Variants in SYNE1 observed in about 807,000 individuals in gnomAD.
SYNE1 encodes spectrin repeat containing nuclear envelope protein 1.
A neutral mutation model predicts 1,111.0 loss-of-function variants in SYNE1; 616 were observed. The ratio of observed to expected loss-of-function variants is 0.55; its 90% CI spans 0.52 to 0.59. The LOEUF is 0.59. Ranked by LOEUF, SYNE1 falls within the 20% of genes least tolerant of loss-of-function variation. The pLI is 0.00. For synonymous variants in SYNE1, 3,855 were observed against 3,825.8 expected, an observed-to-expected ratio of 1.01 and a Z score of -0.28; for missense variants, 10,006 against 10,417.0, an observed-to-expected ratio of 0.96 and a Z score of 1.72.
chr6:152,281,947 GC>G lies in SYNE1; in HGVS notation c.18240del (p.Arg6080SerfsTer21). ...EKLNDQLEEQ[R>X]QEQALQRYRC... ...CGATACCTCTGCAGGGCCTGTTCCT[GC>G]CTTTGTTCCTCCAGCTGATCATTCA... is the stretch of plus-strand genomic sequence containing the variant. On this transcript the variant is annotated frameshift_variant, in exon 97 of 146. Coordinates refer to ENST00000367255, the MANE Select transcript of SYNE1 (RefSeq NM_182961.4). LOFTEE classifies it high-confidence loss of function. 1.2e-6 allele frequency: 2 copies of G among 1,614,100 alleles called. No individual in the cohort carries two copies. Among genetic ancestry groups the G allele is most frequent in the Non-Finnish European group, 1.7e-6 (2 of 1,180,036 alleles).
At chr6:152,620,235 C>T (rs751105680) in intron 3 of SYNE1, among the ~76,000 whole-genome samples, 6 of 152,216 alleles carry the variant, frequency 3.9e-5, no homozygotes, top group Admixed American at 2.0e-4. Context: ...CAGGCTGCAG[C>T]TTCTTAGTCT....
chr6:152,613,414 A>T (rs971596179), intron 3 of SYNE1, among the ~76,000 whole-genome samples: 1 of 152,190 alleles, frequency 6.6e-6, no homozygotes, highest in African/African-American at 2.4e-5. Flanking sequence ...TACAAAGAGA[A>T]TAAAATACCT....
intron 66 of SYNE1, among the ~76,000 whole-genome samples, chr6:152,356,844 C>T (rs544658603): frequency 2.0e-5 from 3 of 152,188 alleles, no homozygotes; most frequent in South Asian, 4.1e-4. Flanking sequence ...ACACGAATAC[C>T]GGCTTAAGTG....
intron 5 of SYNE1, among the ~76,000 whole-genome samples, chr6:152,524,099 G>A (rs2154352016): frequency 6.6e-6 from 1 of 152,224 alleles, no homozygotes; most frequent in African/African-American, 2.4e-5. Context: ...AAAAGAAGTG[G>A]CAAAAGTGAG....
chr6:152,491,682 C>G (rs1052031626), intron 11 of SYNE1, among the ~76,000 whole-genome samples: 21 of 152,188 alleles, frequency 1.4e-4, no homozygotes, highest in Non-Finnish European at 2.9e-5. Context: ...AGATGCCTGA[C>G]ATCCAGGCAT....
intron 3 of SYNE1, among the ~76,000 whole-genome samples, chr6:152,612,249 G>A (rs773342335): frequency 7.2e-5 from 11 of 151,884 alleles, no homozygotes; most frequent in Admixed American, 1.3e-4. Flanking sequence ...TAGACTGCTA[G>A]CAAGACTAAT....
rs531875789 is a variant in SYNE1, at chr6:152,547,931, C to T, written c.68-7910G>A. 2.6e-5 allele frequency among the ~76,000 whole-genome samples: 4 copies of T among 152,220 alleles called. No individual in the cohort carries two copies. The South Asian group carries it at 8.3e-4, about 32-fold the overall frequency. Reference sequence around the variant, plus strand: ...CTGTCATAATGGATGTGTTAATTGACTGTGGTAATCATTTCACAATTTATA... The same window carrying T: ...CTGTCATAATGGATGTGTTAATTGATTGTGGTAATCATTTCACAATTTATA... On this transcript the variant is annotated intron_variant, in intron 3 of 145. Transcript: ENST00000367255.
Position 152,318,263 on chromosome 6 carries a change from C to G in SYNE1, c.16390G>C (p.Val5464Leu). 6.2e-7 allele frequency: 1 copy of G among 1,614,120 alleles called. No individual in the cohort carries two copies. ...NVVQAKTDQKVLGEELDGCNS... is the reference protein window; with the variant it reads ...NVVQAKTDQKLLGEELDGCNS... ...CAGCCATCTAATTCCTCTCCCAGCACCTTGATGGTCACCAAAATGAAAGAA... is the reference window on the plus strand; with the variant it reads ...CAGCCATCTAATTCCTCTCCCAGCAGCTTGATGGTCACCAAAATGAAAGAA... Residue 5464 changes from valine (V) to leucine (L), a missense_variant and splice_region_variant, in exon 86 of 146, where the codon GTG (valine) becomes CTG (leucine). By Grantham distance (32) the Val-to-Leu change is conservative. Around this residue, in one of 7 missense-constraint regions of SYNE1, gnomAD observed 4,955 missense variants for 5,017.2 expected, o/e 0.99. Transcript: ENST00000367255.
intron 44 of SYNE1, among the ~76,000 whole-genome samples, chr6:152,407,848 G>A (rs1377676352): frequency 3.4e-5 from 5 of 146,584 alleles, no homozygotes; most frequent in African/African-American, 7.7e-5. Flanking sequence ...TGCAACCTCC[G>A]CCTCCCGGGT....
chr6:152,493,920 G>C (rs542531171), intron 11 of SYNE1, among the ~76,000 whole-genome samples: 1 of 152,028 alleles, frequency 6.6e-6, no homozygotes, highest in Non-Finnish European at 1.5e-5. Context: ...TTCCCCACTC[G>C]TCTTTCCGTT....
At chr6:152,268,373 G>GA (rs1157901930) in intron 99 of SYNE1, among the ~76,000 whole-genome samples, 1 of 119,962 alleles carries the variant, frequency 8.3e-6, no homozygotes, top group East Asian at 2.4e-4. Context: ...GGATACCTCT[G>GA]AAAAATCTGG....
intron 121 of SYNE1, among the ~76,000 whole-genome samples, chr6:152,218,030 A>C (rs1390537935): frequency 6.6e-6 from 1 of 152,018 alleles, no homozygotes; most frequent in Non-Finnish European, 1.5e-5. Flanking sequence ...CCTCGTCTCT[A>C]CTAAAAATAC....
intron 62 of SYNE1, among the ~76,000 whole-genome samples, chr6:152,366,375 T>A (rs925176441): frequency 6.7e-6 from 1 of 150,334 alleles, no homozygotes; most frequent in African/African-American, 2.5e-5. Context: ...AAAAACTTGG[T>A]TTATAGCAGG....
chr6:152,169,561 CAAAA>C (rs371955068), intron 130 of SYNE1, among the ~76,000 whole-genome samples: 1 of 18,100 alleles, frequency 5.5e-5, no homozygotes, highest in Non-Finnish European at 8.7e-5. Flanking sequence ...GACTCCATCT[CAAAA>C]AAAAAAAAAA....
chr6:152,596,732 G>A (rs540148605), intron 3 of SYNE1, among the ~76,000 whole-genome samples: 8 of 152,280 alleles, frequency 5.3e-5, no homozygotes, highest in African/African-American at 7.2e-5. Context: ...TCTTGTTAAC[G>A]ATGGTATTCA....
chr6:152,170,885 G>A (rs1177996758), intron 130 of SYNE1, among the ~76,000 whole-genome samples: 2 of 152,166 alleles, frequency 1.3e-5, no homozygotes, highest in Non-Finnish European at 2.9e-5. Flanking sequence ...GACCCGATGG[G>A]AGATAATTGA....
intron 3 of SYNE1, among the ~76,000 whole-genome samples, chr6:152,601,553 T>C (rs1430629543): frequency 6.6e-6 from 1 of 152,132 alleles, no homozygotes; most frequent in Admixed American, 6.6e-5. Flanking sequence ...ACTTTTCCAA[T>C]ATACAAAGAA....
At chr6:152,634,225 A>T (rs1408453466) in intron 2 of SYNE1, among the ~76,000 whole-genome samples, 1 of 152,264 alleles carries the variant, frequency 6.6e-6, no homozygotes, top group African/African-American at 2.4e-5. Context: ...TGCAATGACC[A>T]GAGACAACGT....
At chr6:152,553,411 A>C (rs938938310) in intron 3 of SYNE1, among the ~76,000 whole-genome samples, 1 of 152,202 alleles carries the variant, frequency 6.6e-6, no homozygotes. Flanking sequence ...CAAGTGCCAA[A>C]GTCAAATGAA....
Sources: allele counts gnomAD v4.1 joint callset (sites outside exome capture counted in the v4.1 genomes callset), GRCh38; gene constraint gnomAD v4.1.1; regional missense constraint gnomAD v4.1.1; transcripts MANE v1.5; gene names NCBI Gene and HGNC (gene_info 2026-07-23, HGNC 2026-07-21).